The following CDH4 variants were observed in gnomAD, a reference collection of about 807,000 sequenced individuals.
The protein encoded by CDH4 is cadherin-4.
In CDH4, 33 loss-of-function variants were observed where a neutral mutation model predicts 86.0. The ratio of observed to expected loss-of-function variants is 0.38; its 90% CI spans 0.29 to 0.51. The LOEUF (loss-of-function observed/expected upper bound fraction) is 0.51. Among genes scored for constraint, CDH4 ranks in the 20% least tolerant of loss-of-function variants. The probability of loss-of-function intolerance (pLI) is 0.86; values close to 1 mark genes in which losing one functional copy is unlikely to be tolerated. For missense variants in CDH4, 1,114 were observed against 1,307.4 expected (o/e 0.85, Z 2.28); for synonymous variants, 555 against 549.4 (o/e 1.01, Z -0.14).
chr20:61,908,491 C>G (rs1381519556), intron 8 of CDH4, among the ~76,000 whole-genome samples: 1 of 152,176 alleles, frequency 6.6e-6, no homozygotes, highest in African/African-American at 2.4e-5. Flanking sequence ...TCACAGCCTC[C>G]TCTCACACCG....
chr20:61,873,962 A>G (rs2146149404), intron 7 of CDH4, 62 bp downstream of exon 7: 6 of 1,570,662 alleles, frequency 3.8e-6, no homozygotes, highest in Non-Finnish European at 5.2e-6. Flanking sequence ...GGACACCCAC[A>G]GGACCCTCGG....
intron 2 of CDH4, among the ~76,000 whole-genome samples, chr20:61,714,889 T>C (rs1188379352): frequency 6.6e-6 from 1 of 152,226 alleles, no homozygotes; most frequent in Non-Finnish European, 1.5e-5. Context: ...AGTTGTCTTT[T>C]TGATGCGGTG....
intron 6 of CDH4, among the ~76,000 whole-genome samples, chr20:61,862,217 G>A (rs978550223): frequency 9.9e-5 from 15 of 152,140 alleles, no homozygotes; most frequent in Non-Finnish European, 2.1e-4. Context: ...TCAGGTGGCT[G>A]TTGGTCTCCA....
rs55843408 is a variant in CDH4, at chr20:61,781,257, A to AGAG, written c.576+8075_576+8076insGAG. Among the ~76,000 whole-genome samples the AGAG allele has an allele frequency of 2.9e-4, 43 of 146,446 alleles. No individual in the cohort carries two copies. The East Asian group carries it at 8.0e-3, about 27-fold the overall frequency. ...ATTATTAGACATGTCAAAAAGAGAG[A>AGAG]AAATGTGATCCACAATCAAGAAAAA... On this transcript the variant is annotated intron_variant, in intron 4 of 15. Transcript: ENST00000614565.
chr20:61,528,655 T>C (rs1368069020), intron 2 of CDH4, among the ~76,000 whole-genome samples: 2 of 151,332 alleles, frequency 1.3e-5, no homozygotes, highest in Non-Finnish European at 2.9e-5. Flanking sequence ...TGGAAGGAAA[T>C]GCAAAGTCCC....
chr20:61,861,420 C>G (rs886590374), intron 6 of CDH4, among the ~76,000 whole-genome samples: 3 of 152,190 alleles, frequency 2.0e-5, no homozygotes, highest in African/African-American at 7.2e-5. Context: ...GTGAAGGCAC[C>G]GTTCTGTAAC....
At chr20:61,886,462 T>C (rs1310414170) in intron 7 of CDH4, among the ~76,000 whole-genome samples, 2 of 152,252 alleles carry the variant, frequency 1.3e-5, no homozygotes, top group Non-Finnish European at 2.9e-5. Flanking sequence ...CAAATCACTT[T>C]TTAATGAATT....
At chr20:61,533,592 A>G (rs915883007) in intron 2 of CDH4, among the ~76,000 whole-genome samples, 1 of 152,210 alleles carries the variant, frequency 6.6e-6, no homozygotes, top group East Asian at 1.9e-4. Context: ...TCCTCTGCCC[A>G]TGAGGGGCCC....
chr20:61,572,421 C>A (rs572675851), intron 2 of CDH4, among the ~76,000 whole-genome samples: 271 of 152,296 alleles, frequency 1.8e-3, no homozygotes, highest in Non-Finnish European at 3.1e-3. Flanking sequence ...TGCCTGGATT[C>A]AAAGAAGGGC....
At chr20:61,883,718 A>G (rs1335372955) in intron 7 of CDH4, among the ~76,000 whole-genome samples, 1 of 152,120 alleles carries the variant, frequency 6.6e-6, no homozygotes, top group African/African-American at 2.4e-5. Flanking sequence ...GTGGGGGGCC[A>G]AGAGAGGCCC....
intron 2 of CDH4, among the ~76,000 whole-genome samples, chr20:61,268,244 A>G (rs1225679819): frequency 1.3e-5 from 2 of 152,186 alleles, no homozygotes; most frequent in African/African-American, 2.4e-5. Flanking sequence ...CCTCTCCAGC[A>G]TGGATCCCGA....
intron 2 of CDH4, among the ~76,000 whole-genome samples, chr20:61,592,846 A>T (rs2086527952): frequency 6.6e-6 from 1 of 152,202 alleles, no homozygotes; most frequent in Non-Finnish European, 1.5e-5. Context: ...AGGAAAAATA[A>T]TGACCCCCCA....
intron 2 of CDH4, among the ~76,000 whole-genome samples, chr20:61,720,503 GCAGAGTGGAGGGGTA>G (rs377132240): frequency 2.0e-4 from 29 of 148,026 alleles, no homozygotes; most frequent in Middle Eastern, 3.5e-3. Context: ...GTGCAGGGAT[GCAGAGTGGAGGGGTA>G]CAGAGTGGAG....
chr20:61,773,619 G>A (rs919855473), intron 4 of CDH4, among the ~76,000 whole-genome samples: 3 of 152,156 alleles, frequency 2.0e-5, no homozygotes, highest in Non-Finnish European at 2.9e-5. Context: ...CTTGGTCCCC[G>A]AGCTCCCAAG....
rs113959316 is a variant in CDH4 at position 61,544,651 on chromosome 20, G to A, written c.170-198912G>A. 1.2e-3 allele frequency among the ~76,000 whole-genome samples: 183 copies of A among 152,076 alleles called. 2 individuals are homozygous for A. Among genetic ancestry groups the A allele is most frequent in the Middle Eastern group, 3.4e-3 (1 of 294 alleles). On this transcript the variant is annotated intron_variant, in intron 2 of 15. Transcript: ENST00000614565. The surrounding 1 kb of genome is among the most constrained non-coding windows in gnomAD (Gnocchi z 6.5). ...ACCAGACCCCACGCTGCTCTACTCC[G>A]CACCGGCCCCCCTGCCTGTACTTGA...
At chr20:61,451,855 G>A (rs972479613) in intron 2 of CDH4, among the ~76,000 whole-genome samples, 1 of 152,100 alleles carries the variant, frequency 6.6e-6, no homozygotes, top group African/African-American at 2.4e-5. Context: ...TAAATGAGGA[G>A]GGATGTAGAG....
intron 7 of CDH4, among the ~76,000 whole-genome samples, chr20:61,887,817 G>A (rs567394397): frequency 2.0e-5 from 3 of 152,324 alleles, no homozygotes; most frequent in South Asian, 2.1e-4. Flanking sequence ...CCTTCTGGCG[G>A]TGCCATGCTG....
intron 14 of CDH4, among the ~76,000 whole-genome samples, 162 bp from the exon 15 acceptor site, chr20:61,933,881 TGGGGCATTGTGGA>T (rs1383400230): frequency 1.3e-5 from 2 of 151,712 alleles, no homozygotes; most frequent in African/African-American, 2.4e-5. Flanking sequence ...GGCAAGGAGG[TGGGGCATTGTGGA>T]GGGGCACAGC....
At chr20:61,274,809 C>G (rs1012321298) in intron 2 of CDH4, among the ~76,000 whole-genome samples, 1 of 138,756 alleles carries the variant, frequency 7.2e-6, no homozygotes, top group African/African-American at 2.7e-5. Flanking sequence ...TGGGGGAGTA[C>G]CATGTGCAGT....
Sources: gnomAD v4.1 joint callset for allele counts (sites outside exome capture counted in the v4.1 genomes callset) on GRCh38, gnomAD v4.1.1 for gene constraint, Gnocchi (gnomAD v3.1) non-coding constraint, MANE v1.5 for transcripts, NCBI Gene and HGNC (gene_info 2026-07-23, HGNC 2026-07-21) for gene names.